SULF2: variants seen among roughly 807,000 people sequenced by gnomAD.
SULF2 encodes sulfatase 2.
Under a neutral mutation model 107.7 loss-of-function variants are expected in SULF2, and 52 were observed. The observed-to-expected ratio is 0.48, with a 90% CI of 0.39 to 0.61. SULF2 has a LOEUF of 0.61. SULF2 is among the 20% of genes least tolerant of loss of function. The pLI, the probability that SULF2 is intolerant of heterozygous loss-of-function variation, is 0.00. For synonymous variants in SULF2, 460 were observed against 464.3 expected, an observed-to-expected ratio of 0.99 and a Z score of 0.12; for missense variants, 993 against 1,177.3, an observed-to-expected ratio of 0.84 and a Z score of 2.29.
In SULF2 at chr20:47,692,041, C is replaced by T. The variant is rs544836959; in HGVS notation, c.568-1746G>A. On this transcript the variant is annotated intron_variant, in intron 4 of 20. Coordinates refer to ENST00000688720, the MANE Select transcript of SULF2 (RefSeq NM_001387048.1). The stretch of plus-strand genomic sequence containing the variant: ...TTGGCCTCCCAAAGTGCTGGGATTA[C>T]AGGCGTGAGCCACAGCACCCATACA... Among the ~76,000 whole-genome samples the T allele has an allele frequency of 1.1e-4, 16 of 152,256 alleles. No individual in the cohort carries two copies. The South Asian group carries it at 3.3e-3, about 32-fold the overall frequency.
At chr20:47,661,944 T>C in intron 17 of SULF2, 48 bp from the exon 18 acceptor site, 1 of 1,444,092 alleles carries the variant, frequency 6.9e-7, no homozygotes, top group Non-Finnish European at 9.3e-7. Flanking sequence ...ACAGGGACTC[T>C]CGCCCTGCCC....
intron 4 of SULF2, among the ~76,000 whole-genome samples, chr20:47,700,714 C>T (rs548364204): frequency 2.7e-5 from 4 of 146,286 alleles, no homozygotes; most frequent in South Asian, 2.1e-4. Context: ...GATGTGATCT[C>T]GGCTCACTGC....
chr20:47,768,803 C>A (rs1249876541), intron 1 of SULF2, among the ~76,000 whole-genome samples: 1 of 152,186 alleles, frequency 6.6e-6, no homozygotes, highest in African/African-American at 2.4e-5. Flanking sequence ...CCAGTCCCAG[C>A]ACTGCTCTCT....
rs749436078 is a variant in SULF2 at position 47,666,039 on chromosome 20, C to A, written c.1806-86G>T. 1.3e-6 allele frequency: 2 copies of A among 1,592,172 alleles called. No individual in the cohort carries two copies. Among genetic ancestry groups the A allele is most frequent in the East Asian group, 2.2e-5 (1 of 44,716 alleles). On this transcript the variant is annotated intron_variant, in intron 12 of 20. Coordinates refer to ENST00000688720, the MANE Select transcript of SULF2 (RefSeq NM_001387048.1). This position sits in a 1 kb window ranked among gnomAD's most constrained non-coding sequence, Gnocchi z 5.4. ...CCCAAGAGGTGTGGGAAGCCCTTGC[C>A]GAGGTCTGTCCTGTCCCCTTCACCC... is the stretch of plus-strand genomic sequence containing the variant.
At chr20:47,703,719 AG>A (rs1217516330) in intron 3 of SULF2, among the ~76,000 whole-genome samples, 3 of 152,260 alleles carry the variant, frequency 2.0e-5, no homozygotes, top group African/African-American at 7.2e-5. Flanking sequence ...AAGACATGAC[AG>A]CACATTTGTA....
chr20:47,732,110 G>A (rs79995892), intron 3 of SULF2, among the ~76,000 whole-genome samples: 4,796 of 152,138 alleles, frequency 0.032, 113 homozygotes, highest in Admixed American at 0.065. Flanking sequence ...TGCCCAAGCT[G>A]GTCTCGAACC....
At chr20:47,759,682 ACT>A (rs769732074) in intron 1 of SULF2, among the ~76,000 whole-genome samples, 5 of 151,944 alleles carry the variant, frequency 3.3e-5, no homozygotes, top group Non-Finnish European at 7.4e-5. Context: ...ACAGAGTGAG[ACT>A]CCGTCTCAAA....
intron 1 of SULF2, among the ~76,000 whole-genome samples, chr20:47,765,911 G>A (rs1437116929): frequency 1.3e-5 from 2 of 152,250 alleles, no homozygotes; most frequent in African/African-American, 2.4e-5. Flanking sequence ...GGAAACTGCT[G>A]GCCTGGGAGC....
chr20:47,764,957 G>C (rs533675957), intron 1 of SULF2, among the ~76,000 whole-genome samples: 1 of 152,162 alleles, frequency 6.6e-6, no homozygotes, highest in South Asian at 2.1e-4. Context: ...ATAAGGCACG[G>C]ACAGGTTCCA....
chr20:47,682,083 G>A (rs1487936921), intron 7 of SULF2, among the ~76,000 whole-genome samples: 1 of 152,228 alleles, frequency 6.6e-6, no homozygotes, highest in Non-Finnish European at 1.5e-5. Flanking sequence ...CAATGGGGAC[G>A]CTAAGAGCCA....
At chr20:47,658,494 T>C (rs2086965459) in intron 20 of SULF2, 102 bp from the exon 21 acceptor site, 36 of 1,234,420 alleles carry the variant, frequency 2.9e-5, no homozygotes, top group Non-Finnish European at 4.2e-5. Context: ...TCAAGGCTGC[T>C]GAGAATGAAT....
intron 3 of SULF2, among the ~76,000 whole-genome samples, chr20:47,720,542 CA>C (rs2089261635): frequency 7.3e-6 from 1 of 137,220 alleles, no homozygotes; most frequent in African/African-American, 2.7e-5. Context: ...ACAGGCCTAT[CA>C]TAATCTTTTT....
At chr20:47,661,523 G>A in intron 18 of SULF2, 1 of 341,300 alleles carries the variant, frequency 2.9e-6, no homozygotes, top group Non-Finnish European at 5.6e-6. Flanking sequence ...ACAAAAGGGA[G>A]GACAATGAAA....
chr20:47,762,838 C>A (rs892377058), intron 1 of SULF2, among the ~76,000 whole-genome samples: 2 of 152,236 alleles, frequency 1.3e-5, no homozygotes, highest in Non-Finnish European at 2.9e-5. Context: ...CGGCTATCAC[C>A]CGCTCTCCTC....
At chr20:47,682,383 A>G (rs187017944) in intron 7 of SULF2, among the ~76,000 whole-genome samples, 1 of 152,364 alleles carries the variant, frequency 6.6e-6, no homozygotes, top group Non-Finnish European at 1.5e-5. Context: ...GCCAGCCTCC[A>G]TAATATCCCA....
intron 18 of SULF2, 97 bp from the exon 19 acceptor site, chr20:47,659,827 A>G (rs745714984): frequency 1.1e-6 from 1 of 881,334 alleles, no homozygotes; most frequent in Non-Finnish European, 1.9e-6. Flanking sequence ...TTTTGTCACA[A>G]TCCCATGATG....
At position 47,666,817 on chromosome 20, in the gene SULF2, G is replaced by T. The variant is rs2087290338; in HGVS notation, c.1577-329C>A. On this transcript the variant is annotated intron_variant, in intron 11 of 20. Coordinates refer to ENST00000688720, the MANE Select transcript of SULF2 (RefSeq NM_001387048.1). This position sits in a 1 kb window ranked among gnomAD's most constrained non-coding sequence, Gnocchi z 5.4. The stretch of plus-strand genomic sequence containing the variant: ...ATATGCGACCAGAACCAGGAGCGAG[G>T]TTCTGATTCACGCTAGAGCGTGGAT... Among the ~76,000 whole-genome samples the T allele has an allele frequency of 1.3e-5, 2 of 152,240 alleles. No homozygotes were observed. The highest frequency in any genetic ancestry group is 2.4e-5 in the African/African-American group (1 of 41,472).
At chr20:47,757,862 T>C (rs926355746) in intron 1 of SULF2, among the ~76,000 whole-genome samples, 1 of 152,126 alleles carries the variant, frequency 6.6e-6, no homozygotes, top group African/African-American at 2.4e-5. Flanking sequence ...CTCTTGCATC[T>C]GCCCGCACCG....
At chr20:47,754,013 A>G (rs1200890643) in intron 2 of SULF2, among the ~76,000 whole-genome samples, 2 of 152,214 alleles carry the variant, frequency 1.3e-5, no homozygotes, top group African/African-American at 4.8e-5. Flanking sequence ...GCCACTTACG[A>G]ACTAGTATGG....
Sources: gnomAD v4.1 joint callset for allele counts (sites outside exome capture counted in the v4.1 genomes callset) on GRCh38, gnomAD v4.1.1 for gene constraint, Gnocchi (gnomAD v3.1) non-coding constraint, MANE v1.5 for transcripts, NCBI Gene and HGNC (gene_info 2026-07-23, HGNC 2026-07-21) for gene names.